ZDHHC11B: variants seen among roughly 807,000 people sequenced by gnomAD.
ZDHHC11B encodes the protein probable palmitoyltransferase ZDHHC11B.
In ZDHHC11B, 17 loss-of-function variants were observed where a neutral mutation model predicts 42.3. The ratio of observed to expected loss-of-function variants is 0.40; its 90% CI spans 0.27 to 0.60. The LOEUF is 0.60. ZDHHC11B is among the 20% of genes least tolerant of loss of function. ZDHHC11B has a pLI of 0.41. For missense variants in ZDHHC11B, 262 were observed against 463.2 expected (o/e 0.57, Z 3.99); for synonymous variants, 123 against 193.5 (o/e 0.64, Z 3.02).
chr5:735,871 C>G (rs968935381), intron 10 of ZDHHC11B, among the ~76,000 whole-genome samples: 4 of 148,256 alleles, frequency 2.7e-5, no homozygotes, highest in African/African-American at 1.0e-4. Flanking sequence ...CTCCTTAAAG[C>G]ATAAATCTTA....
At chr5:777,793 C>T (rs1412265221) in intron 1 of ZDHHC11B, among the ~76,000 whole-genome samples, 3 of 151,992 alleles carry the variant, frequency 2.0e-5, no homozygotes, top group East Asian at 1.9e-4. Context: ...CCGCAGCAGG[C>T]GGAGCTGCCC....
chr5:779,270 C>T (rs1414656126), intron 1 of ZDHHC11B, among the ~76,000 whole-genome samples: 1 of 150,412 alleles, frequency 6.6e-6, no homozygotes. Context: ...GGACGCTGGG[C>T]TTCTGGTCTC....
chr5:774,207 G>T (rs1222004702), intron 1 of ZDHHC11B, among the ~76,000 whole-genome samples: 1 of 152,070 alleles, frequency 6.6e-6, no homozygotes, highest in East Asian at 1.9e-4. Flanking sequence ...TGAATCTCCT[G>T]GGAAATGCCT....
intron 1 of ZDHHC11B, among the ~76,000 whole-genome samples, chr5:772,221 G>A (rs1259996044): frequency 5.3e-5 from 8 of 149,762 alleles, no homozygotes; most frequent in African/African-American, 9.7e-5. Context: ...GAGTCACGAC[G>A]CGTGAGAACG....
intron 6 of ZDHHC11B, among the ~76,000 whole-genome samples, chr5:754,016 G>T (rs1382070516): frequency 1.4e-5 from 2 of 138,770 alleles, no homozygotes; most frequent in African/African-American, 5.0e-5. Context: ...CTGTGCTCAG[G>T]GGAAACACCT....
chr5:757,324 A>G (rs1734000226), intron 4 of ZDHHC11B, among the ~76,000 whole-genome samples: 1 of 151,940 alleles, frequency 6.6e-6, no homozygotes, highest in African/African-American at 2.4e-5. Flanking sequence ...GTGAGGAAGA[A>G]GGTGCTGGCC....
chr5:728,299 C>A (rs1423337059), intron 12 of ZDHHC11B, among the ~76,000 whole-genome samples: 2 of 152,094 alleles, frequency 1.3e-5, no homozygotes, highest in East Asian at 1.9e-4. Flanking sequence ...ATTGTTTAAA[C>A]CTTTTGGTAA....
At chr5:733,315 C>T (rs377259847) in intron 11 of ZDHHC11B, among the ~76,000 whole-genome samples, 8 of 151,804 alleles carry the variant, frequency 5.3e-5, no homozygotes, top group Admixed American at 2.6e-4. Flanking sequence ...ACACACACAT[C>T]GTCTATTCCC....
At chr5:753,952 C>T (rs1746139896) in intron 6 of ZDHHC11B, among the ~76,000 whole-genome samples, 3 of 143,190 alleles carry the variant, frequency 2.1e-5, no homozygotes, top group African/African-American at 5.0e-5. Context: ...CAATACAGTG[C>T]TGCAGACAGC....
intron 11 of ZDHHC11B, 149 bp from the exon 12 acceptor site, chr5:730,617 G>A: frequency 2.2e-6 from 2 of 903,676 alleles, no homozygotes; most frequent in East Asian, 6.4e-5. Flanking sequence ...GGATCTCAGT[G>A]GTGGCACAGC....
rs916879185 is a variant in ZDHHC11B at position 777,964 on chromosome 5, C to G, written c.-230+6704G>C. 2.6e-5 allele frequency among the ~76,000 whole-genome samples: 4 copies of G among 151,974 alleles called. 1 individual carries two copies. The Middle Eastern group carries it at 0.01, about 390-fold the overall frequency. ...GCGGTCGGCGGGTCCCGAGCCCTGC[C>G]CAGCAGGGAGGCGGCTGAGGCCCCG... is the stretch of plus-strand genomic sequence containing the variant. On this transcript the variant is annotated intron_variant, in intron 1 of 13. Coordinates refer to ENST00000508859, the MANE Select transcript of ZDHHC11B (RefSeq NM_001351303.2).
chr5:718,476 A>T (rs1480746574), intron 12 of ZDHHC11B, among the ~76,000 whole-genome samples: 1 of 151,690 alleles, frequency 6.6e-6, no homozygotes, highest in Admixed American at 6.6e-5. Flanking sequence ...GATCGAGAAC[A>T]TCCTGGCTAA....
At chr5:715,236 G>C (rs1741663495) in intron 13 of ZDHHC11B, among the ~76,000 whole-genome samples, 2 of 150,468 alleles carry the variant, frequency 1.3e-5, no homozygotes. Flanking sequence ...AGCTCCATTT[G>C]ATGCTCACAT....
intron 11 of ZDHHC11B, among the ~76,000 whole-genome samples, chr5:731,306 C>T (rs1299335798): frequency 6.7e-6 from 1 of 149,756 alleles, no homozygotes; most frequent in Non-Finnish European, 1.5e-5. Flanking sequence ...TCTCAAACTC[C>T]TGGCCTCAAG....
chr5:771,810 T>C (rs2150234226), intron 1 of ZDHHC11B, among the ~76,000 whole-genome samples: 1 of 147,778 alleles, frequency 6.8e-6, no homozygotes, highest in East Asian at 2.0e-4. Flanking sequence ...CGTTCTGTGG[T>C]CTCATCTCCT....
chr5:717,678 C>A (rs1383444190), intron 12 of ZDHHC11B, among the ~76,000 whole-genome samples: 1 of 151,774 alleles, frequency 6.6e-6, no homozygotes. Context: ...AAGAGGGAAA[C>A]CTTTCTTGGA....
At chr5:764,522 G>A (rs1398528440) in intron 4 of ZDHHC11B, among the ~76,000 whole-genome samples, 1 of 151,924 alleles carries the variant, frequency 6.6e-6, no homozygotes, top group East Asian at 1.9e-4. Flanking sequence ...AGCTGTGGAG[G>A]GTGCGCCAGG....
rs1736412939 is a variant in ZDHHC11B at position 775,657 on chromosome 5, G to A, written c.-229-6727C>T. Among the ~76,000 whole-genome samples, 2 of 151,802 alleles carry A rather than the reference G, an allele frequency of 1.3e-5. 1 individual carries two copies. Among genetic ancestry groups the A allele is most frequent in the Non-Finnish European group, 2.9e-5 (2 of 67,898 alleles). On this transcript the variant is annotated intron_variant, in intron 1 of 13. Transcript: ENST00000508859. ...TGACAATGGGTTCCCTGGTGATTTGGAGGCCTGGGGCCTGGGTGGGAGCTG... is the reference window on the plus strand; with the variant it reads ...TGACAATGGGTTCCCTGGTGATTTGAAGGCCTGGGGCCTGGGTGGGAGCTG...
intron 2 of ZDHHC11B, among the ~76,000 whole-genome samples, chr5:767,820 C>G (rs368807): frequency 0.39 from 14,092 of 36,146 alleles, 2,524 homozygotes; most frequent in East Asian, 0.59. Context: ...GTGGGCAGAG[C>G]GCACCGTCTG....
Sources: allele counts gnomAD v4.1 joint callset (sites outside exome capture counted in the v4.1 genomes callset), GRCh38; gene constraint gnomAD v4.1.1; transcripts MANE v1.5; gene names NCBI Gene and HGNC (gene_info 2026-07-23, HGNC 2026-07-21).